Variants in KIR3DL2 observed in about 807,000 individuals in gnomAD.
KIR3DL2 encodes killer cell immunoglobulin like receptor, three Ig domains and long cytoplasmic tail 2.
In KIR3DL2, 42 loss-of-function variants were observed where a neutral mutation model predicts 41.6. The ratio of observed to expected loss-of-function variants is 1.01; its 90% confidence interval spans 0.79 to 1.31. The LOEUF is 1.31. Ranked by LOEUF, KIR3DL2 falls within the 50% of genes most tolerant of loss-of-function variation. The probability of loss-of-function intolerance (pLI) is 0.00; values close to 1 mark genes in which losing one functional copy is unlikely to be tolerated. For missense variants in KIR3DL2, 728 were observed against 576.8 expected (o/e 1.26, Z -2.68); for synonymous variants, 230 against 221.3 (o/e 1.04, Z -0.35).
In KIR3DL2 at chr19:54,852,302, G is replaced by C. The variant is rs2064339607; in HGVS notation, c.355+20G>C. On this transcript the variant is annotated intron_variant, in intron 3 of 8. Coordinates refer to ENST00000326321, the MANE Select transcript of KIR3DL2 (RefSeq NM_006737.4). ...TCACAGGTCAGAGGCTTTCTGTCTG[G>C]GCTTCTCACTGTCCCACCTCCTGAA... The C allele has an allele frequency of 6.3e-7, 1 of 1,599,876 alleles. No individual in the cohort carries two copies. The highest frequency in any genetic ancestry group is 1.7e-5 in the Admixed American group (1 of 59,474).
chr19:54,865,801 C>G lies in KIR3DL2; in HGVS notation c.1001-4C>G, dbSNP rs759606315. 3 of 1,604,130 alleles carry G rather than the reference C, an allele frequency of 1.9e-6. No homozygotes were observed. The highest frequency in any genetic ancestry group is 2.2e-5 in the South Asian group (2 of 90,864). ...CTTCTTATTGGATTCCCATCTTCCT[C>G]CAGGTATCTGCAGACACCTGCATGT... On this transcript the variant is annotated splice_region_variant and splice_polypyrimidine_tract_variant and intron_variant, in intron 6 of 8. Transcript: ENST00000326321.
At chr19:54,862,307 G>A (rs1418948393) in intron 6 of KIR3DL2, among the ~76,000 whole-genome samples, 1 of 152,062 alleles carries the variant, frequency 6.6e-6, no homozygotes, top group Non-Finnish European at 1.5e-5. Flanking sequence ...AGTCAAGAGG[G>A]TTGTGGATGT....
chr19:54,853,695 G>A, intron 3 of KIR3DL2, 52 bp from the exon 4 acceptor site: 1 of 1,581,574 alleles, frequency 6.3e-7, no homozygotes, highest in East Asian at 2.3e-5. Context: ...CAGGTGCCAT[G>A]GATGGGATGA....
In KIR3DL2 at chr19:54,854,012, A is replaced by G. The variant is rs1265625547; in HGVS notation, c.621A>G (p.Ser207=). The change falls in exon 4 of 9, where the codon TCA becomes TCG. Residue 207 remains serine, a synonymous_variant. Coordinates refer to ENST00000326321, the MANE Select transcript of KIR3DL2 (RefSeq NM_006737.4). ...GSVPHSPYQL[S]APSDPLDIVI... is the part of the protein sequence containing the mutation. ...TTCCTCACTCCCCCTATCAGTTGTC[A>G]GCTCCCAGTGACCCCCTGGACATCG... 2 of 1,613,180 alleles carry G rather than the reference A, an allele frequency of 1.2e-6. No homozygotes were observed. Among genetic ancestry groups the G allele is most frequent in the African/African-American group, 2.7e-5 (2 of 74,592 alleles).
In KIR3DL2 at chr19:54,850,528, T is replaced by C. The variant is rs778195185; in HGVS notation, c.34+19T>C. ...TGCGTTGGTGAGTCCTGGAAGGGAATAGAGGGAGGGAGAGTGGGGATGGAG... is the reference window on the plus strand; with the variant it reads ...TGCGTTGGTGAGTCCTGGAAGGGAACAGAGGGAGGGAGAGTGGGGATGGAG... On this transcript the variant is annotated intron_variant, in intron 1 of 8. Transcript: ENST00000326321. 15 of 1,608,556 alleles carry C rather than the reference T, an allele frequency of 9.3e-6. 1 individual carries two copies. In the Middle Eastern group the frequency reaches 8.2e-4, roughly 88 times the overall value.
intron 7 of KIR3DL2, 143 bp from the exon 8 acceptor site, chr19:54,866,227 A>C: frequency 1.2e-6 from 1 of 820,190 alleles, no homozygotes; most frequent in Non-Finnish European, 2.0e-6. Context: ...TTGAACTCAG[A>C]GAGATAGAAT....
In KIR3DL2 at chr19:54,867,070, T is replaced by G. The variant is rs185023445; in HGVS notation, c.*339T>G. On this transcript the variant is annotated 3_prime_UTR_variant, in exon 9 of 9. Transcript: ENST00000326321. ...CCCTCTTAACACGGCACTTACACAC[T>G]TGCTGTTCCACCTTCCCTCATGCTG... 1.7e-3 allele frequency: 560 copies of G among 332,516 alleles called. 8 individuals are homozygous for G. In the East Asian group the frequency reaches 0.02, roughly 12 times the overall value. 20.6% of individuals were successfully genotyped at this position (332,516 alleles called of 1,614,324 possible).
At chr19:54,862,572 T>C (rs1485414435) in intron 6 of KIR3DL2, among the ~76,000 whole-genome samples, 1 of 152,036 alleles carries the variant, frequency 6.6e-6, no homozygotes, top group Non-Finnish European at 1.5e-5. Flanking sequence ...TCGGGACATA[T>C]GGAGTCACCT....
intron 1 of KIR3DL2, 73 bp downstream of exon 1, chr19:54,850,582 C>T: frequency 9.6e-6 from 15 of 1,559,162 alleles, no homozygotes; most frequent in Non-Finnish European, 1.3e-5. Context: ...AGATATGGGC[C>T]TGGAGTGGAG....
Position 54,851,645 on chromosome 19 carries a change from C to T in KIR3DL2, c.71-353C>T, listed in dbSNP as rs1333266300. Among the ~76,000 whole-genome samples, 9 of 151,672 alleles carry T rather than the reference C, an allele frequency of 5.9e-5. 1 individual carries two copies. The highest frequency in any genetic ancestry group is 2.2e-4 in the African/African-American group (9 of 41,042). ...ACCAGAAGAGGGGGGAAACCACAGC[C>T]ATGGCCCTGACATTCCAAATCCTCT... On this transcript the variant is annotated intron_variant, in intron 2 of 8. Coordinates refer to ENST00000326321, the MANE Select transcript of KIR3DL2 (RefSeq NM_006737.4).
chr19:54,855,121 C>A (rs2064634320), intron 4 of KIR3DL2, among the ~76,000 whole-genome samples: 1 of 150,494 alleles, frequency 6.6e-6, no homozygotes, highest in African/African-American at 2.5e-5. Flanking sequence ...TAGAGACTGA[C>A]AGGCAGACAG....
At chr19:54,855,061 A>AAGAAGAT (rs1556681191) in intron 4 of KIR3DL2, among the ~76,000 whole-genome samples, 1 of 148,160 alleles carries the variant, frequency 6.7e-6, no homozygotes, top group Non-Finnish European at 1.5e-5. Context: ...GATGATGATG[A>AAGAAGAT]AGATAGATAG....
intron 6 of KIR3DL2, among the ~76,000 whole-genome samples, chr19:54,860,058 G>A (rs34597621): frequency 0.081 from 12,258 of 151,946 alleles, 750 homozygotes; most frequent in Non-Finnish European, 0.12. Context: ...ATAATCTCCC[G>A]GAAATCATCC....
At chr19:54,860,477 C>A (rs1171696329) in intron 6 of KIR3DL2, among the ~76,000 whole-genome samples, 2 of 152,052 alleles carry the variant, frequency 1.3e-5, no homozygotes, top group Non-Finnish European at 2.9e-5. Flanking sequence ...CTGAACTGAT[C>A]TCCTCCCTCA....
intron 6 of KIR3DL2, among the ~76,000 whole-genome samples, chr19:54,863,249 C>A (rs2065302167): frequency 1.3e-5 from 2 of 151,878 alleles, no homozygotes; most frequent in African/African-American, 4.8e-5. Flanking sequence ...TTCATCCAGT[C>A]TATCATTGTT....
At position 54,855,869 on chromosome 19, in the gene KIR3DL2, C is replaced by G. The variant is rs663318; in HGVS notation, c.906C>G (p.Cys302Trp). The G allele has an allele frequency of 3.7e-6, 6 of 1,613,334 alleles. No homozygotes were observed. The highest frequency in any genetic ancestry group is 5.1e-6 in the Non-Finnish European group (6 of 1,179,920). ...TCGGCTCTTTCCGTGCCCTGCCCTGCGTGTGGTCAAACTCAAGTGACCCAC... is the reference window on the plus strand; with the variant it reads ...TCGGCTCTTTCCGTGCCCTGCCCTGGGTGTGGTCAAACTCAAGTGACCCAC... ...RCFGSFRALPCVWSNSSDPLL... is the reference protein window; with the variant it reads ...RCFGSFRALPWVWSNSSDPLL... Residue 302 changes from cysteine (C) to tryptophan (W), a missense_variant, in exon 5 of 9, where the codon TGC becomes TGG. Transcript: ENST00000326321.
intron 1 of KIR3DL2, among the ~76,000 whole-genome samples, chr19:54,850,951 A>AGTGGAGATATGGGTCTGAT (rs1286029301): frequency 0.098 from 5,787 of 59,222 alleles, 1,356 homozygotes; most frequent in Non-Finnish European, 0.13. Context: ...ATGGGCCTGG[A>AGTGGAGATATGGGTCTGAT]GTGGAGATAT....
At chr19:54,859,011 C>T in intron 5 of KIR3DL2, 68 bp from the exon 6 acceptor site, 1 of 1,490,028 alleles carries the variant, frequency 6.7e-7, no homozygotes, top group Non-Finnish European at 9.3e-7. Context: ...GAACCAACCT[C>T]AAAGATTTCC....
Position 54,853,806 on chromosome 19 carries a change from A to T in KIR3DL2, c.415A>T (p.Thr139Ser). 2 of 1,612,526 alleles carry T rather than the reference A, an allele frequency of 1.2e-6. No individual in the cohort carries two copies. The highest frequency in any genetic ancestry group is 1.7e-6 in the Non-Finnish European group (2 of 1,179,270). ...AGGGCCCCTGCTGAAATCAGGAGAG[A>T]CAGTCATCCTGCAATGTTGGTCAGA... ...HPGPLLKSGE[T>S]VILQCWSDVM... The change falls in exon 4 of 9, where the codon ACA (threonine) becomes TCA (serine). Residue 139 changes from threonine (T) to serine (S), a missense_variant. Transcript: ENST00000326321.
Sources: gnomAD v4.1 joint callset for allele counts (sites outside exome capture counted in the v4.1 genomes callset) on GRCh38, gnomAD v4.1.1 for gene constraint, MANE v1.5 for transcripts, NCBI Gene and HGNC (gene_info 2026-07-23, HGNC 2026-07-21) for gene names.